The following EPHA3 variants were observed in gnomAD, a reference collection of about 807,000 sequenced individuals.
The protein encoded by EPHA3 is EPH receptor A3.
In EPHA3, 42 loss-of-function variants were observed where a neutral mutation model predicts 107.1. That is an observed-to-expected ratio of 0.39 (90% CI 0.31 to 0.51). The LOEUF is 0.51. Ranked by LOEUF, EPHA3 falls within the 20% of genes least tolerant of loss-of-function variation. The pLI, the probability that EPHA3 is intolerant of heterozygous loss-of-function variation, is 0.78. For missense variants in EPHA3, 1,183 were observed against 1,211.2 expected (o/e 0.98, Z 0.35); for synonymous variants, 461 against 424.8 (o/e 1.09, Z -1.05).
intron 3 of EPHA3, among the ~76,000 whole-genome samples, chr3:89,214,190 G>A (rs1308919009): frequency 6.6e-6 from 1 of 151,870 alleles, no homozygotes; most frequent in African/African-American, 2.4e-5. Context: ...AAGTGTTTGA[G>A]GGCTTGGGCT....
chr3:89,375,044 G>A (rs1001386452), intron 5 of EPHA3, among the ~76,000 whole-genome samples: 22 of 151,680 alleles, frequency 1.5e-4, no homozygotes, highest in African/African-American at 4.1e-4. Context: ...AGGCATCGAC[G>A]TTGCTGGGGT....
rs529879467 is a variant in EPHA3 at position 89,194,220 on chromosome 3, C to T, written c.154-15640C>T. On this transcript the variant is annotated intron_variant, in intron 2 of 16. Coordinates refer to ENST00000336596, the MANE Select transcript of EPHA3 (RefSeq NM_005233.6). Reference sequence around the variant, plus strand: ...TACATGGATTGATGTGCTAACAAAACGATATTTTAATAAGATAACTAGGTT... The same window carrying T: ...TACATGGATTGATGTGCTAACAAAATGATATTTTAATAAGATAACTAGGTT... Among the ~76,000 whole-genome samples the T allele has an allele frequency of 1.5e-4, 23 of 151,870 alleles. No individual in the cohort carries two copies. The South Asian group carries it at 2.7e-3, about 18-fold the overall frequency.
chr3:89,166,934 TC>T (rs1449679244), intron 2 of EPHA3, among the ~76,000 whole-genome samples: 1 of 152,176 alleles, frequency 6.6e-6, no homozygotes, highest in East Asian at 1.9e-4. Context: ...GGGGTCTTTA[TC>T]TGACAAGTCA....
chr3:89,468,302 A>C (rs1710330298), intron 15 of EPHA3, among the ~76,000 whole-genome samples: 1 of 152,104 alleles, frequency 6.6e-6, no homozygotes, highest in South Asian at 2.1e-4. Context: ...TAAACAGACA[A>C]ACTCAGTTGG....
chr3:89,333,180 C>A (rs1707325316), intron 3 of EPHA3, among the ~76,000 whole-genome samples: 2 of 152,114 alleles, frequency 1.3e-5, no homozygotes, highest in African/African-American at 4.8e-5. Context: ...ATAGGTAGTG[C>A]TCATAATACT....
At chr3:89,243,591 T>C (rs141930356) in intron 3 of EPHA3, among the ~76,000 whole-genome samples, 1 of 152,328 alleles carries the variant, frequency 6.6e-6, no homozygotes, top group Non-Finnish European at 1.5e-5. Flanking sequence ...TGCCCACTTT[T>C]TGATGGGGTT....
chr3:89,337,164 T>G (rs1011759712), intron 3 of EPHA3, among the ~76,000 whole-genome samples: 1 of 152,236 alleles, frequency 6.6e-6, no homozygotes, highest in Non-Finnish European at 1.5e-5. Context: ...TTGGAATAGA[T>G]GACAAAGTCT....
At chr3:89,324,155 C>CTTTTTTTTTTT (rs749957896) in intron 3 of EPHA3, among the ~76,000 whole-genome samples, 1 of 118,984 alleles carries the variant, frequency 8.4e-6, no homozygotes, top group Non-Finnish European at 1.8e-5. Context: ...AGATGTCAGT[C>CTTTTTTTTTTT]TTTTTTTTTT....
chr3:89,375,894 A>T (rs57122230), intron 5 of EPHA3, among the ~76,000 whole-genome samples: 4,928 of 151,996 alleles, frequency 0.032, 246 homozygotes, highest in African/African-American at 0.11. Flanking sequence ...TATCAGAGGG[A>T]AATTTGTAAA....
chr3:89,432,019 T>C (rs1222833667), intron 13 of EPHA3, among the ~76,000 whole-genome samples: 1 of 152,152 alleles, frequency 6.6e-6, no homozygotes, highest in East Asian at 1.9e-4. Context: ...TTTTTACATG[T>C]AGTAGGTTGC....
In EPHA3 at chr3:89,480,619, T is replaced by TA. The variant is rs566480002; in HGVS notation, c.*1128dup. 46,374 of 204,750 alleles carry TA rather than the reference T, an allele frequency of 0.23. 3,890 individuals carry two copies. Among genetic ancestry groups the TA allele is most frequent in the Non-Finnish European group, 0.27 (28,230 of 102,958 alleles). The allele number at this position is 204,750 out of a possible 1,614,324, so 12.7% of individuals were successfully genotyped here. ...CACAGCCTATAGGCCAATGCATGAG[T>TA]AAAAAAAAAAACAATTACTGGCTCA... On this transcript the variant is annotated 3_prime_UTR_variant, in exon 17 of 17. Coordinates refer to ENST00000336596, the MANE Select transcript of EPHA3 (RefSeq NM_005233.6).
At chr3:89,219,695 T>TTTTGTTG (rs1559606315) in intron 3 of EPHA3, among the ~76,000 whole-genome samples, 2 of 12,344 alleles carry the variant, frequency 1.6e-4, no homozygotes, top group Non-Finnish European at 3.2e-4. Flanking sequence ...AATGTTTTTT[T>TTTTGTTG]TTTTTTTGTT....
chr3:89,352,409 C>T (rs1347715934), intron 5 of EPHA3, among the ~76,000 whole-genome samples: 2 of 151,014 alleles, frequency 1.3e-5, no homozygotes, highest in African/African-American at 4.8e-5. Flanking sequence ...TATTTTTGAC[C>T]TTTAAGACCA....
intron 5 of EPHA3, among the ~76,000 whole-genome samples, chr3:89,372,434 T>C (rs1195281317): frequency 6.6e-6 from 1 of 151,600 alleles, no homozygotes; most frequent in African/African-American, 2.4e-5. Flanking sequence ...TTTATTCATA[T>C]ATAGCACAGA....
At chr3:89,190,656 CA>C (rs1399867693) in intron 2 of EPHA3, among the ~76,000 whole-genome samples, 5 of 152,062 alleles carry the variant, frequency 3.3e-5, no homozygotes, top group Non-Finnish European at 7.4e-5. Flanking sequence ...ATAAATATAA[CA>C]TTTGAAACCC....
intron 5 of EPHA3, among the ~76,000 whole-genome samples, chr3:89,394,180 C>T (rs563249134): frequency 6.6e-6 from 1 of 152,024 alleles, no homozygotes; most frequent in African/African-American, 2.4e-5. Flanking sequence ...GGAGGCCTAC[C>T]GGGGAGAATC....
At chr3:89,327,514 C>A (rs1707191228) in intron 3 of EPHA3, among the ~76,000 whole-genome samples, 1 of 152,108 alleles carries the variant, frequency 6.6e-6, no homozygotes. Context: ...GTGGTACAGA[C>A]TCTATCATGT....
At chr3:89,377,579 T>G (rs757050842) in intron 5 of EPHA3, among the ~76,000 whole-genome samples, 1 of 152,148 alleles carries the variant, frequency 6.6e-6, no homozygotes, top group South Asian at 2.1e-4. Context: ...CGAAACCCAC[T>G]CGTATTTGGA....
At chr3:89,238,977 A>G (rs1266117812) in intron 3 of EPHA3, among the ~76,000 whole-genome samples, 3 of 152,194 alleles carry the variant, frequency 2.0e-5, no homozygotes, top group Non-Finnish European at 4.4e-5. Context: ...CTAGGTTTAT[A>G]TTAGGTTAAA....
Sources: gnomAD v4.1 joint callset for allele counts (sites outside exome capture counted in the v4.1 genomes callset) on GRCh38, gnomAD v4.1.1 for gene constraint, MANE v1.5 for transcripts, NCBI Gene and HGNC (gene_info 2026-07-23, HGNC 2026-07-21) for gene names.